The following CDCP1 variants were observed in gnomAD, a reference collection of about 807,000 sequenced individuals.
CDCP1 encodes the protein CUB domain-containing protein 1.
A neutral mutation model predicts 60.2 loss-of-function variants in CDCP1; 29 were observed. The observed-to-expected ratio is 0.48, with a 90% CI of 0.36 to 0.66. The LOEUF (loss-of-function observed/expected upper bound fraction) is 0.66, where lower values mean the gene tolerates loss of function less well. CDCP1 is among the 30% of genes least tolerant of loss of function. CDCP1 has a pLI of 0.00. For synonymous variants in CDCP1, 387 were observed against 431.1 expected (o/e 0.90, Z 1.27); for missense variants, 876 against 1,074.3 (o/e 0.82, Z 2.58).
intron 4 of CDCP1, among the ~76,000 whole-genome samples, chr3:45,107,592 C>A (rs1698589028): frequency 6.6e-6 from 1 of 152,166 alleles, no homozygotes; most frequent in African/African-American, 2.4e-5. Flanking sequence ...ACCTGCCAGG[C>A]ACTGTGCTAC....
chr3:45,145,340 C>G (rs1327783219), intron 1 of CDCP1, among the ~76,000 whole-genome samples: 1 of 152,186 alleles, frequency 6.6e-6, no homozygotes, highest in Non-Finnish European at 1.5e-5. Context: ...CCTGTACTAG[C>G]CTCACATCAA....
chr3:45,125,148 A>G (rs1249526099), intron 1 of CDCP1, among the ~76,000 whole-genome samples: 2 of 152,196 alleles, frequency 1.3e-5, no homozygotes, highest in Non-Finnish European at 2.9e-5. Flanking sequence ...GGAAGGACAG[A>G]TGGAAGGAAT....
chr3:45,102,708 T>C (rs1698500528), intron 4 of CDCP1, among the ~76,000 whole-genome samples: 1 of 151,750 alleles, frequency 6.6e-6, no homozygotes, highest in Non-Finnish European at 1.5e-5. Flanking sequence ...CTGTCAACTC[T>C]GTCACCCAGG....
chr3:45,140,907 A>G (rs1471625944), intron 1 of CDCP1, among the ~76,000 whole-genome samples: 2 of 152,236 alleles, frequency 1.3e-5, no homozygotes, highest in Non-Finnish European at 2.9e-5. Context: ...AGGATCAAGA[A>G]TGTCAGGATC....
intron 4 of CDCP1, among the ~76,000 whole-genome samples, chr3:45,107,531 A>G (rs1178194010): frequency 6.6e-6 from 1 of 152,072 alleles, no homozygotes; most frequent in African/African-American, 2.4e-5. Context: ...CTAACCCTGC[A>G]TGCCTGCCTT....
At position 45,082,902 on chromosome 3, in the gene CDCP1, C is replaced by T. The variant is rs1357271136; in HGVS notation, c.*2736G>A. On this transcript the variant is annotated 3_prime_UTR_variant, in exon 9 of 9. Coordinates refer to ENST00000296129, the MANE Select transcript of CDCP1 (RefSeq NM_022842.5). ...TTTAAAGAAAAGAGCCAGGGTTCCT[C>T]AGGCTGGGCCCCTTCACTGAGGCAC... 1 of 152,230 alleles carries T rather than the reference C, an allele frequency of 6.6e-6. No homozygotes were observed. Among genetic ancestry groups the T allele is most frequent in the Non-Finnish European group, 1.5e-5 (1 of 68,048 alleles). 9.4% of individuals were successfully genotyped at this position (152,230 alleles called of 1,614,324 possible).
intron 1 of CDCP1, among the ~76,000 whole-genome samples, chr3:45,126,173 T>A (rs1324353704): frequency 7.3e-6 from 1 of 137,204 alleles, no homozygotes; most frequent in African/African-American, 2.8e-5. Context: ...TTTCTTTCTT[T>A]CCTTCTTTCT....
chr3:45,133,861 A>C (rs1046344773), intron 1 of CDCP1, among the ~76,000 whole-genome samples: 1 of 152,034 alleles, frequency 6.6e-6, no homozygotes, highest in South Asian at 2.1e-4. Context: ...TGGGCAATCA[A>C]TCAGGAAGAG....
intron 2 of CDCP1, among the ~76,000 whole-genome samples, chr3:45,113,211 C>T (rs770252586): frequency 3.3e-5 from 5 of 152,206 alleles, no homozygotes; most frequent in Non-Finnish European, 7.3e-5. Flanking sequence ...ATACTCTGAA[C>T]GTGCAACTCC....
chr3:45,106,546 G>A (rs1413720483), intron 4 of CDCP1, among the ~76,000 whole-genome samples: 1 of 152,202 alleles, frequency 6.6e-6, no homozygotes, highest in Non-Finnish European at 1.5e-5. Context: ...ACGGATTTAT[G>A]GAGGGCCTGG....
chr3:45,141,011 G>A (rs981997884), intron 1 of CDCP1, among the ~76,000 whole-genome samples: 2 of 152,162 alleles, frequency 1.3e-5, no homozygotes, highest in Non-Finnish European at 2.9e-5. Flanking sequence ...GGCCAGCCTG[G>A]CCAACATGGT....
intron 4 of CDCP1, among the ~76,000 whole-genome samples, chr3:45,101,478 CT>C (rs1175909022): frequency 6.6e-6 from 1 of 152,126 alleles, no homozygotes; most frequent in Non-Finnish European, 1.5e-5. Context: ...GGCCCTGGGA[CT>C]GGCTTCATGC....
At chr3:45,115,714 A>AT (rs1698778385) in intron 2 of CDCP1, among the ~76,000 whole-genome samples, 1 of 151,578 alleles carries the variant, frequency 6.6e-6, no homozygotes. Flanking sequence ...TTTTTTTTAA[A>AT]TTTTTTTAAG....
In CDCP1 at chr3:45,085,735, G is replaced by A. The variant is rs529640107; in HGVS notation, c.2414C>T (p.Pro805Leu). The part of the protein sequence containing the change: ...PRSPPESESE[P>L]YTFSHPNNGD... ...ATTGTTGGGATGGGAGAAGGTGTAC[G>A]GTTCACTCTCAGACTCAGGAGGGGA... The change falls in exon 9 of 9, where the codon CCG becomes CTG. Residue 805 changes from proline to leucine, a missense_variant. Pro to Leu is a moderately conservative substitution (Grantham distance 98). Transcript: ENST00000296129. This position sits in a 1 kb window ranked among gnomAD's most constrained non-coding sequence, Gnocchi z 4.2. 41 of 1,614,144 alleles carry A rather than the reference G, an allele frequency of 2.5e-5. No homozygotes were observed. In the Middle Eastern group the frequency reaches 5.0e-4, roughly 19 times the overall value.
At chr3:45,142,935 G>C (rs1699318564) in intron 1 of CDCP1, among the ~76,000 whole-genome samples, 1 of 152,236 alleles carries the variant, frequency 6.6e-6, no homozygotes, top group Non-Finnish European at 1.5e-5. Context: ...GGGCGCGGTG[G>C]CTCACGCCTG....
chr3:45,126,123 T>TTTCTTTCTTTCTTTCTTTCC (rs1559398785), intron 1 of CDCP1, among the ~76,000 whole-genome samples: 1 of 122,130 alleles, frequency 8.2e-6, no homozygotes. Flanking sequence ...TCTTTCTTTC[T>TTTCTTTCTTTCTTTCTTTCC]TTCTTTCTTT....
intron 4 of CDCP1, among the ~76,000 whole-genome samples, 176 bp from the exon 5 acceptor site, chr3:45,095,744 A>T (rs1680792263): frequency 6.6e-6 from 1 of 152,246 alleles, no homozygotes; most frequent in South Asian, 2.1e-4. Flanking sequence ...AAGACAGTTA[A>T]AAAGAAAAAT....
At chr3:45,111,591 G>A (rs1249881076) in intron 3 of CDCP1, among the ~76,000 whole-genome samples, 5 of 152,164 alleles carry the variant, frequency 3.3e-5, no homozygotes, top group African/African-American at 9.7e-5. Context: ...CAGAAGAATC[G>A]CTTGAACCTG....
At chr3:45,092,534 T>C (rs958554162) in intron 6 of CDCP1, among the ~76,000 whole-genome samples, 2 of 152,188 alleles carry the variant, frequency 1.3e-5, no homozygotes, top group Admixed American at 1.3e-4. Flanking sequence ...CTTGGAGATA[T>C]CAGGCAGCCT....
Sources: gnomAD v4.1 joint callset for allele counts (sites outside exome capture counted in the v4.1 genomes callset) on GRCh38, gnomAD v4.1.1 for gene constraint, Gnocchi (gnomAD v3.1) non-coding constraint, MANE v1.5 for transcripts, NCBI Gene and HGNC (gene_info 2026-07-23, HGNC 2026-07-21) for gene names.